PRKCB: variants seen among roughly 807,000 people sequenced by gnomAD.
The protein encoded by PRKCB is protein kinase C beta.
A neutral mutation model predicts 81.5 loss-of-function variants in PRKCB; 13 were observed. That is an observed-to-expected ratio of 0.16 (90% CI 0.10 to 0.25). The LOEUF (loss-of-function observed/expected upper bound fraction) is 0.25, where lower values mean the gene tolerates loss of function less well. PRKCB is among the 10% of genes least tolerant of loss of function. PRKCB has a pLI of 1.00. For missense variants in PRKCB, 509 were observed against 875.7 expected (o/e 0.58, Z 5.29); for synonymous variants, 335 against 321.4 (o/e 1.04, Z -0.45).
chr16:23,863,407 T>C (rs1423952377), intron 2 of PRKCB, among the ~76,000 whole-genome samples: 1 of 151,946 alleles, frequency 6.6e-6, no homozygotes, highest in African/African-American at 2.4e-5. Flanking sequence ...TGCTTTGCAC[T>C]GTGGACTCAC....
In PRKCB at chr16:24,119,776, G is replaced by C. The variant is rs149288503; in HGVS notation, c.919-4059G>C. Reference sequence around the variant, plus strand: ...ACCTTGTAGTTTTAACTACCCCCTCGTTGCCTCTACACCCCAAATCTCTGT... The same window carrying C: ...ACCTTGTAGTTTTAACTACCCCCTCCTTGCCTCTACACCCCAAATCTCTGT... On this transcript the variant is annotated intron_variant, in intron 8 of 16. Coordinates refer to ENST00000643927, the MANE Select transcript of PRKCB (RefSeq NM_002738.7). Among the ~76,000 whole-genome samples, 421 of 152,046 alleles carry C rather than the reference G, an allele frequency of 2.8e-3. 4 individuals are homozygous for C. Among genetic ancestry groups the C allele is most frequent in the African/African-American group, 9.7e-3 (401 of 41,464 alleles).
At chr16:23,852,851 C>T (rs1385448312) in intron 2 of PRKCB, among the ~76,000 whole-genome samples, 1 of 152,144 alleles carries the variant, frequency 6.6e-6, no homozygotes, top group Admixed American at 6.5e-5. Context: ...TTGACTTATG[C>T]CCATTTTTCT....
chr16:24,130,095 C>A (rs1486991677), intron 9 of PRKCB, among the ~76,000 whole-genome samples: 2 of 152,124 alleles, frequency 1.3e-5, no homozygotes, highest in African/African-American at 4.8e-5. Flanking sequence ...ACTGCAAATG[C>A]ACTTTACATT....
At chr16:24,148,717 C>A (rs1026397981) in intron 9 of PRKCB, among the ~76,000 whole-genome samples, 2 of 152,174 alleles carry the variant, frequency 1.3e-5, no homozygotes, top group African/African-American at 4.8e-5. Flanking sequence ...TTTCCCTGAT[C>A]CTTCTTGAAA....
Position 23,855,943 on chromosome 16 carries a change from C to T in PRKCB, c.205+18537C>T, listed in dbSNP as rs143072665. Among the ~76,000 whole-genome samples, 1,090 of 152,236 alleles carry T rather than the reference C, an allele frequency of 7.2e-3. 13 individuals carry two copies. The highest frequency in any genetic ancestry group is 0.024 in the African/African-American group (1,004 of 41,518). On this transcript the variant is annotated intron_variant, in intron 2 of 16. Coordinates refer to ENST00000643927, the MANE Select transcript of PRKCB (RefSeq NM_002738.7). ...GCAGCTGGGGGAATGAGTGCCTTGT[C>T]CCTATAGATGGTTTTGAGGGGGCTG...
In PRKCB at chr16:24,217,096, GGAAAGAAAGAAGAAAAAGAAAGAAGGAAA is replaced by G. The variant is rs1968239243; in HGVS notation, c.*2291_*2319del. On this transcript the variant is annotated 3_prime_UTR_variant, in exon 17 of 17. Coordinates refer to ENST00000643927, the MANE Select transcript of PRKCB (RefSeq NM_002738.7). ...TAGGATGAATGGAAAGAGAAAGAAA[GGAAAGAAAGAAGAAAAAGAAAGAAGGAAA>G]GAAAGAAAGAGAAAGGAAGGAAGGA... The G allele has an allele frequency of 1.0e-6, 1 of 975,912 alleles. No individual in the cohort carries two copies. The highest frequency in any genetic ancestry group is 6.7e-5 in the Admixed American group (1 of 15,012). 60.5% of individuals were successfully genotyped at this position (975,912 alleles called of 1,614,324 possible).
chr16:23,929,574 C>T (rs1028532636), intron 2 of PRKCB, among the ~76,000 whole-genome samples: 4 of 152,104 alleles, frequency 2.6e-5, no homozygotes, highest in African/African-American at 9.7e-5. Context: ...CATGTTAACA[C>T]ACTAATACTT....
chr16:23,856,899 C>T (rs2141087048), intron 2 of PRKCB, among the ~76,000 whole-genome samples: 1 of 152,234 alleles, frequency 6.6e-6, no homozygotes, highest in South Asian at 2.1e-4. Context: ...GTGTCTCTTA[C>T]TGCAGGTAAC....
At chr16:23,895,497 G>A (rs752132117) in intron 2 of PRKCB, among the ~76,000 whole-genome samples, 5 of 152,042 alleles carry the variant, frequency 3.3e-5, no homozygotes, top group Non-Finnish European at 7.4e-5. Context: ...GTCAAAAATT[G>A]GATAGTATGC....
chr16:23,881,253 G>GTTT (rs35846626), intron 2 of PRKCB, among the ~76,000 whole-genome samples: 3,719 of 136,354 alleles, frequency 0.027, 93 homozygotes, highest in African/African-American at 0.052. Context: ...TCTTTTCCCA[G>GTTT]TTTTTTTTTT....
chr16:24,119,772 C>T (rs993540505), intron 8 of PRKCB, among the ~76,000 whole-genome samples: 1 of 151,948 alleles, frequency 6.6e-6, no homozygotes, highest in Non-Finnish European at 1.5e-5. Context: ...TTAACTACCC[C>T]CTCGTTGCCT....
At chr16:23,994,213 A>C (rs1326515185) in intron 3 of PRKCB, among the ~76,000 whole-genome samples, 1 of 152,156 alleles carries the variant, frequency 6.6e-6, no homozygotes, top group African/African-American at 2.4e-5. Context: ...CTAAAATGTC[A>C]CTTGTCCCTC....
chr16:23,903,791 T>G (rs141172592), intron 2 of PRKCB, among the ~76,000 whole-genome samples: 367 of 152,228 alleles, frequency 2.4e-3, no homozygotes, highest in Non-Finnish European at 3.9e-3. Flanking sequence ...CTTAAATGTC[T>G]CCCCCTTTGA....
chr16:24,127,576 G>T (rs28544978), intron 9 of PRKCB, among the ~76,000 whole-genome samples: 6,163 of 152,216 alleles, frequency 0.04, 404 homozygotes, highest in African/African-American at 0.14. Flanking sequence ...CAGACGAGAG[G>T]ATGTTTGATG....
chr16:23,990,371 T>G (rs1964868613), intron 3 of PRKCB, among the ~76,000 whole-genome samples: 1 of 151,022 alleles, frequency 6.6e-6, no homozygotes. Context: ...GGCAGGAGAA[T>G]GGCGTGAACC....
At chr16:24,197,310 A>G (rs907681571) in intron 16 of PRKCB, among the ~76,000 whole-genome samples, 1 of 152,158 alleles carries the variant, frequency 6.6e-6, no homozygotes, top group Non-Finnish European at 1.5e-5. Context: ...GAGTAGGTGG[A>G]GAAAATGACG....
intron 2 of PRKCB, among the ~76,000 whole-genome samples, chr16:23,844,523 T>G (rs997147772): frequency 3.3e-5 from 5 of 152,234 alleles, no homozygotes; most frequent in African/African-American, 4.8e-5. Context: ...GTTCTTTTTT[T>G]TGAGACGGAG....
intron 2 of PRKCB, 141 bp from the exon 3 acceptor site, chr16:23,988,367 C>T (rs1964828064): frequency 3.1e-6 from 2 of 635,526 alleles, no homozygotes; most frequent in African/African-American, 3.7e-5. Flanking sequence ...GCTGCAGAAG[C>T]TGACATTATT....
chr16:24,112,863 G>T, intron 7 of PRKCB, 110 bp from the exon 8 acceptor site: 1 of 737,516 alleles, frequency 1.4e-6, no homozygotes, highest in South Asian at 2.0e-5. Flanking sequence ...AACCCTCAAC[G>T]TATATTTTTT....
Sources: allele counts gnomAD v4.1 joint callset (sites outside exome capture counted in the v4.1 genomes callset), GRCh38; gene constraint gnomAD v4.1.1; transcripts MANE v1.5; gene names NCBI Gene and HGNC (gene_info 2026-07-23, HGNC 2026-07-21).